Variants in MAPKAPK2 observed in about 807,000 individuals in gnomAD.
MAPKAPK2 encodes the protein MAP kinase-activated protein kinase 2.
Under a neutral mutation model 48.8 loss-of-function variants are expected in MAPKAPK2, and 9 were observed. The ratio of observed to expected loss-of-function variants is 0.18; its 90% CI spans 0.11 to 0.32. MAPKAPK2 has a LOEUF of 0.32. MAPKAPK2 is among the 10% of genes least tolerant of loss of function. MAPKAPK2 has a pLI of 1.00. For synonymous variants in MAPKAPK2, 202 were observed against 190.6 expected (o/e 1.06, Z -0.49); for missense variants, 331 against 498.3 (o/e 0.66, Z 3.20).
chr1:206,710,407 C>T (rs781889488), intron 1 of MAPKAPK2, among the ~76,000 whole-genome samples: 4 of 152,272 alleles, frequency 2.6e-5, no homozygotes, highest in East Asian at 3.9e-4. Context: ...GTGAGAAACT[C>T]GTGACATTTT....
rs1672865795 is a variant in MAPKAPK2, at chr1:206,703,680, A to G, written c.279+18172A>G. ...AGAGACTTTTCCGTAATGCCTGGTA[A>G]TATCTCATTGTATTTTCTTTTGATG... On this transcript the variant is annotated intron_variant, in intron 1 of 9. Coordinates refer to ENST00000367103, the MANE Select transcript of MAPKAPK2 (RefSeq NM_032960.4). Among the ~76,000 whole-genome samples, 2 of 152,176 alleles carry G rather than the reference A, an allele frequency of 1.3e-5. 1 individual carries two copies. Among genetic ancestry groups the G allele is most frequent in the African/African-American group, 4.8e-5 (2 of 41,422 alleles).
chr1:206,700,010 T>G (rs868934241), intron 1 of MAPKAPK2, among the ~76,000 whole-genome samples: 42 of 151,116 alleles, frequency 2.8e-4, no homozygotes, highest in African/African-American at 1.0e-3. Flanking sequence ...TTACTTTTTT[T>G]TTTTTTTTTT....
intron 1 of MAPKAPK2, among the ~76,000 whole-genome samples, chr1:206,718,376 C>A (rs1673402246): frequency 6.6e-6 from 1 of 151,832 alleles, no homozygotes; most frequent in South Asian, 2.1e-4. Flanking sequence ...CTAAAAAATA[C>A]AAAAAATTAG....
Sources: gnomAD v4.1 joint callset for allele counts (sites outside exome capture counted in the v4.1 genomes callset) on GRCh38, gnomAD v4.1.1 for gene constraint, MANE v1.5 for transcripts, NCBI Gene and HGNC (gene_info 2026-07-23, HGNC 2026-07-21) for gene names.